GLIS3: variants seen among roughly 807,000 people sequenced by gnomAD.
The protein encoded by GLIS3 is zinc finger protein GLIS3.
GLIS3 carries 53 observed loss-of-function variants against 78.6 expected under a neutral mutation model. The observed-to-expected ratio is 0.67, with a 90% CI of 0.54 to 0.85. The LOEUF is 0.85. Ranked by LOEUF, GLIS3 falls within the 40% of genes least tolerant of loss-of-function variation. The probability of loss-of-function intolerance (pLI) is 0.00; values close to 1 mark genes in which losing one functional copy is unlikely to be tolerated. For synonymous variants in GLIS3, 684 were observed against 509.9 expected (o/e 1.34, Z -4.60); for missense variants, 1,703 against 1,231.1 (o/e 1.38, Z -5.74).
At chr9:4,484,275 T>C in the GLIS3 span, among the ~76,000 whole-genome samples, 1 of 150,290 alleles carries the variant, frequency 6.7e-6, no homozygotes. Context: ...TCTCGCTCTG[T>C]CGCCCAGGCT....
the GLIS3 span, among the ~76,000 whole-genome samples, chr9:4,452,142 T>C: frequency 6.6e-6 from 1 of 152,228 alleles, no homozygotes; most frequent in East Asian, 1.9e-4. Context: ...CTAAAAACTC[T>C]CAATAAAGTA....
chr9:4,143,358 G>C (rs888299765), intron 2 of GLIS3, among the ~76,000 whole-genome samples: 1 of 152,040 alleles, frequency 6.6e-6, no homozygotes, highest in Non-Finnish European at 1.5e-5. Context: ...CCCGAGGTCA[G>C]GAGTTCGAGA....
chr9:4,044,002 T>C (rs1825044092), intron 4 of GLIS3, among the ~76,000 whole-genome samples: 1 of 152,146 alleles, frequency 6.6e-6, no homozygotes, highest in Non-Finnish European at 1.5e-5. Flanking sequence ...TGATGGGCCT[T>C]GTCAAGAGCA....
chr9:4,188,104 G>T (rs1006437548), intron 2 of GLIS3, among the ~76,000 whole-genome samples: 2 of 151,524 alleles, frequency 1.3e-5, no homozygotes, highest in East Asian at 1.9e-4. Flanking sequence ...TCCAGGTTTT[G>T]CCCATTCAGT....
In GLIS3 at chr9:4,180,406, G is replaced by C. The variant is rs1393457483; in HGVS notation, c.389-54465C>G. Among the ~76,000 whole-genome samples the C allele has an allele frequency of 3.9e-5, 6 of 152,132 alleles. No individual in the cohort carries two copies. The East Asian group carries it at 1.2e-3, about 29-fold the overall frequency. On this transcript the variant is annotated intron_variant, in intron 2 of 10. Coordinates refer to ENST00000381971, the MANE Select transcript of GLIS3 (RefSeq NM_001042413.2). ...TCTTCCTAGCTCAATGGGCAGGCTT[G>C]GGCTGTTTAGCTGCTCTGAGCCTCT... is the stretch of plus-strand genomic sequence containing the variant.
At chr9:4,300,508 A>C (rs1007999899), upstream of GLIS3, among the ~76,000 whole-genome samples, 3 of 152,152 alleles carry the variant, frequency 2.0e-5, no homozygotes, top group Non-Finnish European at 4.4e-5. Context: ...ACAGCTTCGA[A>C]ACTGGATAGG....
intron 2 of GLIS3, among the ~76,000 whole-genome samples, chr9:4,260,094 C>G (rs970743019): frequency 2.0e-5 from 3 of 152,162 alleles, no homozygotes; most frequent in African/African-American, 7.2e-5. Context: ...ACACTTCAGG[C>G]CAAATCCCCA....
chr9:4,108,740 A>G (rs574094639), intron 4 of GLIS3, among the ~76,000 whole-genome samples: 2 of 152,208 alleles, frequency 1.3e-5, no homozygotes, highest in Non-Finnish European at 1.5e-5. Flanking sequence ...CACAGAAAAG[A>G]TAACTGTCTG....
chr9:4,183,054 C>T (rs534106974), intron 2 of GLIS3, among the ~76,000 whole-genome samples: 15 of 152,308 alleles, frequency 9.8e-5, no homozygotes, highest in East Asian at 7.7e-4. Flanking sequence ...GTGAGGCCCA[C>T]GTGCTGTCTG....
intron 4 of GLIS3, among the ~76,000 whole-genome samples, chr9:4,064,409 A>C (rs1338446543): frequency 6.6e-6 from 1 of 152,230 alleles, no homozygotes; most frequent in Admixed American, 6.5e-5. Context: ...TTATACAACA[A>C]AGCACAGAAA....
At chr9:4,224,999 T>C (rs557423455) in intron 2 of GLIS3, among the ~76,000 whole-genome samples, 1 of 151,944 alleles carries the variant, frequency 6.6e-6, no homozygotes, top group Non-Finnish European at 1.5e-5. Flanking sequence ...TATATAGATC[T>C]TCCTACTATT....
intron 2 of GLIS3, among the ~76,000 whole-genome samples, chr9:4,327,158 A>G (rs866480101): frequency 1.3e-5 from 2 of 152,218 alleles, no homozygotes; most frequent in Non-Finnish European, 2.9e-5. Context: ...CAGTTGGTGT[A>G]GAGGTGAGAA....
chr9:4,012,765 CTTTTTTTTTTTT>C (rs71324278), intron 4 of GLIS3, among the ~76,000 whole-genome samples: 6 of 66,476 alleles, frequency 9.0e-5, no homozygotes, highest in African/African-American at 1.6e-4. Flanking sequence ...TTTTCTTTTT[CTTTTTTTTTTTT>C]TTTTTTTTTT....
At chr9:3,947,136 G>C (rs1816358007) in intron 4 of GLIS3, among the ~76,000 whole-genome samples, 1 of 152,214 alleles carries the variant, frequency 6.6e-6, no homozygotes, top group Non-Finnish European at 1.5e-5. Context: ...AACGCACATG[G>C]GCTGAAGCAA....
rs562997870 is a variant in GLIS3 at position 3,965,516 on chromosome 9, C to G, written c.1711-28327G>C. ...ACGCCTCTTTCCTAATTCTATCACT[C>G]TAATCCACTGGTTCATAACTTTGAG... On this transcript the variant is annotated intron_variant, in intron 4 of 10. Coordinates refer to ENST00000381971, the MANE Select transcript of GLIS3 (RefSeq NM_001042413.2). Among the ~76,000 whole-genome samples the G allele has an allele frequency of 1.3e-4, 20 of 152,240 alleles. No homozygotes were observed. The East Asian group carries it at 3.9e-3, about 29-fold the overall frequency.
At chr9:4,426,317 C>T in the GLIS3 span, among the ~76,000 whole-genome samples, 1 of 152,188 alleles carries the variant, frequency 6.6e-6, no homozygotes, top group South Asian at 2.1e-4. Context: ...CTTGTCTCTT[C>T]CCCACCTCCT....
At chr9:3,913,072 G>A (rs906656482) in intron 6 of GLIS3, among the ~76,000 whole-genome samples, 13 of 152,206 alleles carry the variant, frequency 8.5e-5, no homozygotes, top group Middle Eastern at 3.4e-3. Flanking sequence ...TACCAGCTCC[G>A]TATTGTCTTC....
At chr9:4,349,190 T>C (rs543999931), upstream of GLIS3, among the ~76,000 whole-genome samples, 14 of 152,362 alleles carry the variant, frequency 9.2e-5, no homozygotes, top group East Asian at 1.9e-4. Context: ...CCCCAGTTGA[T>C]AGCAATCTCT....
intron 9 of GLIS3, among the ~76,000 whole-genome samples, chr9:3,836,856 G>GTCT (rs904693652): frequency 2.6e-5 from 4 of 152,048 alleles, no homozygotes; most frequent in African/African-American, 9.7e-5. Context: ...TCTGCTGTTC[G>GTCT]TCTTCTTCTT....
Sources: allele counts gnomAD v4.1 joint callset (sites outside exome capture counted in the v4.1 genomes callset), GRCh38; gene constraint gnomAD v4.1.1; transcripts MANE v1.5; gene names NCBI Gene and HGNC (gene_info 2026-07-23, HGNC 2026-07-21).